The following RP2 variants were observed in gnomAD, a reference collection of about 807,000 sequenced individuals.
The protein encoded by RP2 is RP2 activator of ARL3 GTPase.
Under a neutral mutation model 20.3 loss-of-function variants are expected in RP2, and 3 were observed. That is an observed-to-expected ratio of 0.15 (90% CI 0.07 to 0.38). The LOEUF is 0.38. Among genes scored for constraint, RP2 ranks in the 10% least tolerant of loss-of-function variants. RP2 has a pLI of 1.00. For missense variants in RP2, 233 were observed against 268.5 expected (o/e 0.87, Z 0.92); for synonymous variants, 75 against 94.8 (o/e 0.79, Z 1.22).
intron 1 of RP2, among the ~76,000 whole-genome samples, chrX:46,837,945 C>T (rs1335096300): frequency 8.9e-6 from 1 of 111,826 alleles, no homozygotes; most frequent in Admixed American, 9.5e-5. Context: ...AAACGAAAAA[C>T]CTTTGAAAAC....
Position 46,859,950 on chromosome X carries a change from G to A in RP2, c.769-38G>A, listed in dbSNP as rs199851354. ...GGAAATCATTGTTTTAGTCTCAGAA[G>A]TTCATTTTAAAATCTCAATGAAATT... On this transcript the variant is annotated intron_variant, in intron 2 of 4. Coordinates refer to ENST00000218340, the MANE Select transcript of RP2 (RefSeq NM_006915.3). The A allele has an allele frequency of 4.4e-4, 427 of 980,188 alleles. 5 individuals carry two copies. In the Admixed American group the frequency reaches 9.3e-3, roughly 21 times the overall value. The allele number at this position is 980,188 out of a possible 1,213,427, so 80.8% of individuals were successfully genotyped here.
rs1350609804 is a variant in RP2, at chrX:46,862,382, C to T, written c.883+2280C>T. On this transcript the variant is annotated intron_variant, in intron 3 of 4. Coordinates refer to ENST00000218340, the MANE Select transcript of RP2 (RefSeq NM_006915.3). Reference sequence around the variant, plus strand: ...AGACTCTGTCTCAAAAAAAAATGGCCGGGTGTGGTGGCTCACGCCTGTAAT... The same window carrying T: ...AGACTCTGTCTCAAAAAAAAATGGCTGGGTGTGGTGGCTCACGCCTGTAAT... 2.8e-4 allele frequency among the ~76,000 whole-genome samples: 25 copies of T among 90,113 alleles called. No homozygotes were observed. The South Asian group carries it at 0.011, about 41-fold the overall frequency. 78.3% of individuals were successfully genotyped at this position (90,113 alleles called of 115,157 possible). A position where few individuals can be genotyped will look rare whatever the true frequency, so the allele number is the denominator to read the frequency against.
intron 4 of RP2, among the ~76,000 whole-genome samples, chrX:46,878,343 C>T (rs782799741): frequency 9.7e-6 from 1 of 102,874 alleles, no homozygotes; most frequent in Non-Finnish European, 2.0e-5. Flanking sequence ...CGCCACTGCA[C>T]TCCAGCCTGG....
intron 3 of RP2, among the ~76,000 whole-genome samples, chrX:46,871,900 G>T (rs1455872765): frequency 4.5e-5 from 5 of 112,095 alleles, no homozygotes; most frequent in African/African-American, 1.6e-4. Context: ...ACACATTTAG[G>T]ATTGTTATAT....
chrX:46,859,866 T>C lies in RP2; in HGVS notation c.769-122T>C, dbSNP rs973327151. 14 of 533,492 alleles carry C rather than the reference T, an allele frequency of 2.6e-5. No individual in the cohort carries two copies. In the Admixed American group the frequency reaches 3.1e-4, roughly 12 times the overall value. 44.0% of individuals were successfully genotyped at this position (533,492 alleles called of 1,213,427 possible). On this transcript the variant is annotated intron_variant, in intron 2 of 4. Coordinates refer to ENST00000218340, the MANE Select transcript of RP2 (RefSeq NM_006915.3). The stretch of plus-strand genomic sequence containing the variant: ...TAGCAAACACCCTGAATTAGACTTA[T>C]AATTAAAACAAAAATCAGTGTGCTG...
intron 3 of RP2, among the ~76,000 whole-genome samples, chrX:46,872,217 T>C (rs1178222213): frequency 8.9e-6 from 1 of 112,477 alleles, no homozygotes; most frequent in African/African-American, 3.2e-5. Context: ...TTGTAAAGAT[T>C]TATCTTTTTT....
At chrX:46,874,443 G>A (rs1290002034) in intron 3 of RP2, among the ~76,000 whole-genome samples, 1 of 110,104 alleles carries the variant, frequency 9.1e-6, no homozygotes, top group African/African-American at 3.3e-5. Context: ...GTATTTATTA[G>A]GTTTAAAGTA....
chrX:46,844,334 C>T (rs1477082669), intron 1 of RP2, among the ~76,000 whole-genome samples: 2 of 100,886 alleles, frequency 2.0e-5, no homozygotes, highest in African/African-American at 7.3e-5. Context: ...CCCCCTCCCC[C>T]AACCCCACGA....
At chrX:46,844,811 C>G (rs1471575661) in intron 1 of RP2, among the ~76,000 whole-genome samples, 6 of 111,611 alleles carry the variant, frequency 5.4e-5, no homozygotes, top group Non-Finnish European at 1.1e-4. Context: ...TAAAAGTGTT[C>G]CTATTTCTCC....
chrX:46,868,785 CA>C (rs142957575), intron 3 of RP2, among the ~76,000 whole-genome samples: 516 of 43,427 alleles, frequency 0.012, 3 homozygotes, highest in African/African-American at 0.032. Context: ...TACTCCATCT[CA>C]AAAAAAAAAA....
At chrX:46,852,887 A>AT (rs1404620425) in intron 1 of RP2, among the ~76,000 whole-genome samples, 3 of 111,612 alleles carry the variant, frequency 2.7e-5, no homozygotes, top group African/African-American at 6.5e-5. Context: ...CCAGCCTCAG[A>AT]TTTTTTTAGA....
intron 3 of RP2, among the ~76,000 whole-genome samples, chrX:46,872,284 G>C (rs1031153381): frequency 1.1e-4 from 12 of 112,272 alleles, no homozygotes; most frequent in African/African-American, 3.6e-4. Context: ...ACAGCATGTA[G>C]TTGGTTTTTG....
intron 1 of RP2, among the ~76,000 whole-genome samples, chrX:46,842,657 A>G (rs1026898944): frequency 6.3e-5 from 7 of 111,897 alleles, no homozygotes; most frequent in Non-Finnish European, 1.3e-4. Flanking sequence ...GCCCCTGGAA[A>G]CCACAAACTT....
intron 2 of RP2, among the ~76,000 whole-genome samples, chrX:46,855,490 C>T (rs1378302520): frequency 3.7e-5 from 4 of 109,348 alleles, no homozygotes; most frequent in African/African-American, 1.0e-4. Context: ...TTTTTTGAGA[C>T]GGAGTCTCAC....
rs1925479658 is a variant in RP2 at position 46,882,055 on chromosome X, T to C, written c.*2286T>C. On this transcript the variant is annotated 3_prime_UTR_variant, in exon 5 of 5. Transcript: ENST00000218340. Reference sequence around the variant, plus strand: ...AGGACAGTCATTTGGCTTCTGAATGTTTGAAACGATTTTAAAAAATAAGTA... The same window carrying C: ...AGGACAGTCATTTGGCTTCTGAATGCTTGAAACGATTTTAAAAAATAAGTA... 8.9e-6 allele frequency: 1 copy of C among 111,857 alleles called. No individual in the cohort carries two copies. Among genetic ancestry groups the C allele is most frequent in the African/African-American group, 3.2e-5 (1 of 30,815 alleles). 9.2% of individuals were successfully genotyped at this position (111,857 alleles called of 1,213,427 possible). A position where few individuals can be genotyped will look rare whatever the true frequency, so the allele number is the denominator to read the frequency against.
chrX:46,878,325 C>T (rs1315615647), intron 4 of RP2, among the ~76,000 whole-genome samples: 1 of 103,311 alleles, frequency 9.7e-6, no homozygotes, highest in South Asian at 4.5e-4. Context: ...TGCAGTGAGC[C>T]GAGATCCCGC....
chrX:46,879,061 G>GGA (rs1569532463), intron 4 of RP2, among the ~76,000 whole-genome samples: 1 of 4,369 alleles, frequency 2.3e-4, no homozygotes, highest in Admixed American at 2.8e-3. Context: ...TCTACAAAAA[G>GGA]TAAAAAAAAA....
At position 46,842,845 on chromosome X, in the gene RP2, A is replaced by C. The variant is rs1924647916; in HGVS notation, c.102+5643A>C. Among the ~76,000 whole-genome samples, 6 of 111,448 alleles carry C rather than the reference A, an allele frequency of 5.4e-5. No homozygotes were observed. In the South Asian group the frequency reaches 2.2e-3, roughly 41 times the overall value. On this transcript the variant is annotated intron_variant, in intron 1 of 4. Coordinates refer to ENST00000218340, the MANE Select transcript of RP2 (RefSeq NM_006915.3). The stretch of plus-strand genomic sequence containing the variant: ...TATACCACATTTTATTTATCTATTC[A>C]TCAGCTGATGGACATTTGGGTTGTT...
rs1304296967 is a variant in RP2, at chrX:46,865,889, G to A, written c.883+5787G>A. ...ATTGCAGTGAGCCAAGATTGCCACCGCAGTCCAGCCTGGGCGACAGAGTGA... is the reference window on the plus strand; with the variant it reads ...ATTGCAGTGAGCCAAGATTGCCACCACAGTCCAGCCTGGGCGACAGAGTGA... On this transcript the variant is annotated intron_variant, in intron 3 of 4. Coordinates refer to ENST00000218340, the MANE Select transcript of RP2 (RefSeq NM_006915.3). 5.5e-5 allele frequency among the ~76,000 whole-genome samples: 6 copies of A among 108,990 alleles called. No individual in the cohort carries two copies. The East Asian group carries it at 8.6e-4, about 16-fold the overall frequency. 94.6% of individuals were successfully genotyped at this position (108,990 alleles called of 115,157 possible).
Sources: gnomAD v4.1 joint callset for allele counts (sites outside exome capture counted in the v4.1 genomes callset) on GRCh38, gnomAD v4.1.1 for gene constraint, MANE v1.5 for transcripts, NCBI Gene and HGNC (gene_info 2026-07-23, HGNC 2026-07-21) for gene names.